Variants in UBASH3A observed in about 807,000 individuals in gnomAD.
The protein encoded by UBASH3A is ubiquitin-associated and SH3 domain-containing protein A.
A neutral mutation model predicts 73.5 loss-of-function variants in UBASH3A; 63 were observed. The observed-to-expected ratio is 0.86, with a 90% CI of 0.70 to 1.06. The LOEUF (loss-of-function observed/expected upper bound fraction) is 1.06, where lower values mean the gene tolerates loss of function less well. Among genes scored for constraint, UBASH3A ranks in the 50% least tolerant of loss-of-function variants. The pLI, the probability that UBASH3A is intolerant of heterozygous loss-of-function variation, is 0.00. For synonymous variants in UBASH3A, 363 were observed against 351.1 expected (o/e 1.03, Z -0.38); for missense variants, 860 against 859.0 (o/e 1.00, Z -0.02).
Position 42,447,177 on chromosome 21 carries a change from T to G in UBASH3A, c.1969T>G (p.Trp657Gly). 1.9e-6 allele frequency: 3 copies of G among 1,614,038 alleles called. No homozygotes were observed. The highest frequency in any genetic ancestry group is 1.7e-6 in the Non-Finnish European group (2 of 1,179,960). Residue 657 changes from tryptophan (W) to glycine (G), a missense_variant, in exon 15 of 15, where the codon TGG becomes GGG. Trp to Gly is a radical substitution (Grantham distance 184, BLOSUM62 -2). Coordinates refer to ENST00000319294, the MANE Select transcript of UBASH3A (RefSeq NM_018961.4). ...GAACGCAGCATTTAACTGGAGGAAC[T>G]GGATCTCAGGCAACTGAGAGCCACG... Reference protein sequence around the residue: ...GANAAFNWRNWISGN With the variant: ...GANAAFNWRNGISGN
At chr21:42,411,979 G>C (rs2053107710) in intron 3 of UBASH3A, among the ~76,000 whole-genome samples, 1 of 152,194 alleles carries the variant, frequency 6.6e-6, no homozygotes, top group Admixed American at 6.5e-5. Context: ...TAAACACTGT[G>C]ATCTGGCCTC....
At chr21:42,443,174 C>T in intron 12 of UBASH3A, 138 bp from the exon 13 acceptor site, 1 of 1,403,924 alleles carries the variant, frequency 7.1e-7, no homozygotes, top group East Asian at 2.7e-5. Flanking sequence ...AAAACTGGAG[C>T]CTGCCTGTTG....
At position 42,409,620 on chromosome 21, in the gene UBASH3A, C is replaced by A; in HGVS notation, c.354+12C>A. On this transcript the variant is annotated intron_variant, in intron 3 of 14. Transcript: ENST00000319294. ...GTGACTTCTTCACGGTGAGTCAACC[C>A]AGTGTGCCTTCAATGCTCACGGCAG... 1 of 1,603,596 alleles carries A rather than the reference C, an allele frequency of 6.2e-7. No homozygotes were observed. The highest frequency in any genetic ancestry group is 8.5e-7 in the Non-Finnish European group (1 of 1,174,722).
chr21:42,444,562 C>G lies in UBASH3A; in HGVS notation c.1767C>G (p.Gly589=). The G allele has an allele frequency of 6.2e-7, 1 of 1,613,866 alleles. No homozygotes were observed. The highest frequency in any genetic ancestry group is 8.5e-7 in the Non-Finnish European group (1 of 1,179,998). The change falls in exon 14 of 15, where the codon GGC becomes GGG. Residue 589 remains glycine (G), a synonymous_variant. Transcript: ENST00000319294. ...GTGTCATCCTAATTGTGAGTCACGGCTCCACTCTGGACTCCTGCACGCGGC... is the reference window on the plus strand; with the variant it reads ...GTGTCATCCTAATTGTGAGTCACGGGTCCACTCTGGACTCCTGCACGCGGC... The part of the protein sequence containing the change: ...DTGVILIVSH[G]STLDSCTRPL...
rs369372389 is a variant in UBASH3A at position 42,409,532 on chromosome 21, G to A, written c.278G>A (p.Arg93Lys). The change falls in exon 3 of 15, where the codon AGA (arginine) becomes AAA (lysine). Residue 93 changes from arginine (R) to lysine (K), a missense_variant. Transcript: ENST00000319294. ...CTGGAAAAACTTCAAGAGTTCTGGA[G>A]AGAGAGCAAGCGCCAGTGTGCAAAG... ...PLLEKLQEFWRESKRQCAKNR... is the reference protein window; with the variant it reads ...PLLEKLQEFWKESKRQCAKNR... 6 of 1,614,160 alleles carry A rather than the reference G, an allele frequency of 3.7e-6. No individual in the cohort carries two copies. Among genetic ancestry groups the A allele is most frequent in the East Asian group, 2.2e-5 (1 of 44,890 alleles).
intron 2 of UBASH3A, among the ~76,000 whole-genome samples, chr21:42,408,184 G>A (rs889021282): frequency 1.3e-5 from 2 of 152,240 alleles, no homozygotes; most frequent in Non-Finnish European, 2.9e-5. Flanking sequence ...TTTTATTGAA[G>A]AGAATATGGT....
chr21:42,445,540 G>A (rs2053829687), intron 14 of UBASH3A, among the ~76,000 whole-genome samples: 2 of 152,216 alleles, frequency 1.3e-5, no homozygotes, highest in African/African-American at 2.4e-5. Context: ...CAACTCCCGG[G>A]CCCAGCCCAG....
chr21:42,437,657 G>A, intron 11 of UBASH3A, 77 bp downstream of exon 11: 1 of 1,342,750 alleles, frequency 7.4e-7, no homozygotes, highest in Non-Finnish European at 1.1e-6. Context: ...GGAAGGGAGT[G>A]GAGGTGGAAT....
intron 5 of UBASH3A, among the ~76,000 whole-genome samples, chr21:42,414,584 A>G (rs1021677430): frequency 6.6e-6 from 1 of 152,016 alleles, no homozygotes; most frequent in Non-Finnish European, 1.5e-5. Context: ...GGTTGGGAGG[A>G]GGTCACACTG....
Position 42,404,125 on chromosome 21 carries a change from C to T in UBASH3A, c.113+67C>T, listed in dbSNP as rs190788054. On this transcript the variant is annotated intron_variant, in intron 1 of 14. Transcript: ENST00000319294. The stretch of plus-strand genomic sequence containing the variant: ...TGGTGCCAGACCCTGCTGCGGCCCC[C>T]GGCATGGAGCTGCAGGGGTGTAGGG... The T allele has an allele frequency of 2.2e-3, 1,977 of 905,194 alleles. 83 individuals carry two copies. In the Admixed American group the frequency reaches 0.068, roughly 31 times the overall value. The allele number at this position is 905,194 out of a possible 1,614,324, so 56.1% of individuals were successfully genotyped here. A position where few individuals can be genotyped will look rare whatever the true frequency, so the allele number is the denominator to read the frequency against.
At chr21:42,434,524 CA>C (rs2053592608) in intron 9 of UBASH3A, among the ~76,000 whole-genome samples, 1 of 152,188 alleles carries the variant, frequency 6.6e-6, no homozygotes, top group South Asian at 2.1e-4. Context: ...GACACTTTAT[CA>C]GGTTCTTCAT....
intron 11 of UBASH3A, among the ~76,000 whole-genome samples, chr21:42,440,659 A>G (rs1444016202): frequency 6.6e-6 from 1 of 152,234 alleles, no homozygotes; most frequent in Non-Finnish European, 1.5e-5. Flanking sequence ...GCCGTGCGAG[A>G]GTCCCCAGGT....
chr21:42,445,781 C>A (rs1417648735), intron 14 of UBASH3A, among the ~76,000 whole-genome samples: 6 of 152,134 alleles, frequency 3.9e-5, no homozygotes, highest in Admixed American at 6.5e-5. Context: ...CAATTATGAT[C>A]CAGACATTTC....
chr21:42,423,300 T>C (rs2053374087), intron 7 of UBASH3A, among the ~76,000 whole-genome samples: 1 of 152,174 alleles, frequency 6.6e-6, no homozygotes, highest in Admixed American at 6.5e-5. Context: ...AGGGGCCACA[T>C]CAAAATCACA....
intron 5 of UBASH3A, among the ~76,000 whole-genome samples, chr21:42,414,578 G>A (rs2146512567): frequency 6.6e-6 from 1 of 152,298 alleles, no homozygotes; most frequent in Middle Eastern, 3.4e-3. Flanking sequence ...GCGATTGGTT[G>A]GGAGGAGGTC....
intron 13 of UBASH3A, among the ~76,000 whole-genome samples, 154 bp downstream of exon 13, chr21:42,443,572 C>T (rs915116337): frequency 5.3e-5 from 8 of 151,910 alleles, no homozygotes; most frequent in Non-Finnish European, 8.8e-5. Context: ...TTCATCACTG[C>T]TGCTGCTGCT....
At chr21:42,419,420 T>C (rs777459206) in intron 7 of UBASH3A, among the ~76,000 whole-genome samples, 39 of 152,252 alleles carry the variant, frequency 2.6e-4, no homozygotes, top group Non-Finnish European at 5.3e-4. Flanking sequence ...GCCTTAGCTA[T>C]GTGACCAACA....
intron 8 of UBASH3A, among the ~76,000 whole-genome samples, chr21:42,428,221 G>A (rs1160118801): frequency 6.6e-6 from 1 of 152,164 alleles, no homozygotes; most frequent in Non-Finnish European, 1.5e-5. Flanking sequence ...CTTCTGCTGT[G>A]GAAGCTAAAC....
chr21:42,426,901 C>T (rs937321746), intron 8 of UBASH3A, 81 bp downstream of exon 8: 22 of 1,523,748 alleles, frequency 1.4e-5, no homozygotes, highest in East Asian at 2.3e-5. Context: ...GACACAGCTT[C>T]GTAGGTGTAG....
Sources: gnomAD v4.1 joint callset for allele counts (sites outside exome capture counted in the v4.1 genomes callset) on GRCh38, gnomAD v4.1.1 for gene constraint, MANE v1.5 for transcripts, NCBI Gene and HGNC (gene_info 2026-07-23, HGNC 2026-07-21) for gene names.